Variants in WDR7 observed in about 807,000 individuals in gnomAD.
WDR7 encodes the protein WD repeat-containing protein 7.
WDR7 carries 46 observed loss-of-function variants against 169.4 expected under a neutral mutation model. The observed-to-expected ratio is 0.27, with a 90% CI of 0.21 to 0.35. The LOEUF is 0.35. Ranked by LOEUF, WDR7 falls within the 10% of genes least tolerant of loss-of-function variation. WDR7 has a pLI of 1.00. For synonymous variants in WDR7, 612 were observed against 666.8 expected, an observed-to-expected ratio of 0.92 and a Z score of 1.27; for missense variants, 1,534 against 1,859.3, an observed-to-expected ratio of 0.83 and a Z score of 3.22.
At chr18:56,875,045 C>A (rs2046004575) in intron 20 of WDR7, among the ~76,000 whole-genome samples, 1 of 152,198 alleles carries the variant, frequency 6.6e-6, no homozygotes, top group Non-Finnish European at 1.5e-5. Context: ...TTCTTGCCAA[C>A]ATCCAGATTT....
At chr18:56,718,823 C>A (rs1353124951) in intron 13 of WDR7, among the ~76,000 whole-genome samples, 1 of 152,094 alleles carries the variant, frequency 6.6e-6, no homozygotes, top group African/African-American at 2.4e-5. Context: ...TTATTAAAGT[C>A]TTTCTTTTAA....
At position 56,781,668 on chromosome 18, in the gene WDR7, C is replaced by A; in HGVS notation, c.3190+12C>A. The A allele has an allele frequency of 6.3e-7, 1 of 1,576,674 alleles. No individual in the cohort carries two copies. The highest frequency in any genetic ancestry group is 8.6e-7 in the Non-Finnish European group (1 of 1,159,824). On this transcript the variant is annotated intron_variant, in intron 19 of 27. Coordinates refer to ENST00000254442, the MANE Select transcript of WDR7 (RefSeq NM_015285.3). Reference sequence around the variant, plus strand: ...CCACGTCATATCACGTAAGAGTTCTCATGCTTCTCTACAAAGCTTTGCAGG... The same window carrying A: ...CCACGTCATATCACGTAAGAGTTCTAATGCTTCTCTACAAAGCTTTGCAGG...
intron 12 of WDR7, among the ~76,000 whole-genome samples, chr18:56,699,466 AG>A (rs2025777002): frequency 6.6e-6 from 1 of 152,250 alleles, no homozygotes; most frequent in Non-Finnish European, 1.5e-5. Context: ...TGTAGTTGAA[AG>A]ATTATAAATA....
chr18:56,692,632 C>A (rs80083323), intron 9 of WDR7, among the ~76,000 whole-genome samples: 4,370 of 151,732 alleles, frequency 0.029, 190 homozygotes, highest in African/African-American at 0.099. Flanking sequence ...ATTCAAACTT[C>A]CACTTACTGC....
intron 21 of WDR7, chr18:56,891,091 C>T (rs986300717): frequency 1.3e-5 from 2 of 152,096 alleles, no homozygotes; most frequent in Admixed American, 6.6e-5. Flanking sequence ...GAATCTTTTA[C>T]AGTTATTTTA....
chr18:56,998,202 T>A (rs375000660), intron 26 of WDR7, among the ~76,000 whole-genome samples: 1 of 152,092 alleles, frequency 6.6e-6, no homozygotes, highest in East Asian at 1.9e-4. Flanking sequence ...TATCCGTAAT[T>A]TTTGTGCCTG....
At chr18:57,006,121 G>A (rs915613808) in intron 26 of WDR7, among the ~76,000 whole-genome samples, 57 of 152,152 alleles carry the variant, frequency 3.7e-4, no homozygotes, top group African/African-American at 1.2e-3. Flanking sequence ...AAATTAGCAT[G>A]CATAGTATTA....
chr18:56,934,819 C>T (rs1225523696), intron 22 of WDR7, among the ~76,000 whole-genome samples: 1 of 152,108 alleles, frequency 6.6e-6, no homozygotes, highest in African/African-American at 2.4e-5. Flanking sequence ...GATAAGTGTT[C>T]ATATGTCTTC....
chr18:56,929,187 G>C (rs892382351), intron 22 of WDR7, among the ~76,000 whole-genome samples: 1 of 151,912 alleles, frequency 6.6e-6, no homozygotes, highest in Non-Finnish European at 1.5e-5. Flanking sequence ...GAGGCAGGAG[G>C]ATCACTTGAG....
intron 20 of WDR7, among the ~76,000 whole-genome samples, 185 bp downstream of exon 20, chr18:56,816,329 G>C (rs1201757823): frequency 6.6e-6 from 1 of 152,164 alleles, no homozygotes; most frequent in Non-Finnish European, 1.5e-5. Context: ...AAGTGGAACT[G>C]TTTCTTTGGT....
chr18:56,980,688 A>T (rs975876551), intron 26 of WDR7, among the ~76,000 whole-genome samples: 1 of 152,224 alleles, frequency 6.6e-6, no homozygotes, highest in African/African-American at 2.4e-5. Flanking sequence ...TAAGAAAGTG[A>T]CATCTAACTC....
At chr18:56,685,833 T>C (rs2025432453) in intron 5 of WDR7, 123 bp from the exon 6 acceptor site, 1 of 767,440 alleles carries the variant, frequency 1.3e-6, no homozygotes, top group Non-Finnish European at 2.1e-6. Context: ...TAGAGAATTA[T>C]GTTTTTCTGC....
chr18:56,756,509 TTTA>T (rs2043891695), intron 14 of WDR7, 71 bp from the exon 15 acceptor site: 1 of 1,254,518 alleles, frequency 8.0e-7, no homozygotes, highest in South Asian at 1.7e-5. Context: ...CCTCTGATTA[TTTA>T]TTGTTTATTA....
At chr18:56,829,091 C>G (rs375187481) in intron 20 of WDR7, among the ~76,000 whole-genome samples, 1 of 147,290 alleles carries the variant, frequency 6.8e-6, no homozygotes, top group African/African-American at 2.5e-5. Flanking sequence ...AAGATTAGCC[C>G]GCGGCAACAT....
chr18:57,004,497 C>T (rs1222635428), intron 26 of WDR7, among the ~76,000 whole-genome samples: 4 of 152,086 alleles, frequency 2.6e-5, no homozygotes, highest in African/African-American at 4.8e-5. Context: ...ATCTATCTGT[C>T]GCATTGTTCC....
rs773661018 is a variant in WDR7 at position 56,779,502 on chromosome 18, C to A, written c.3019C>A (p.Pro1007Thr). Reference protein sequence around the residue: ...DLLGLDKFRPPLLEMLARRWQ... With the variant: ...DLLGLDKFRPTLLEMLARRWQ... ...ACTGGGATTGGATAAATTTAGGCCT[C>A]CCCTTCTGGAGATGCTGGCCCGAAG... is the stretch of plus-strand genomic sequence containing the variant. Residue 1007 changes from proline to threonine, a missense_variant, in exon 18 of 28, where the codon CCC becomes ACC. Transcript: ENST00000254442. The A allele has an allele frequency of 6.2e-7, 1 of 1,613,962 alleles. No individual in the cohort carries two copies.
intron 25 of WDR7, among the ~76,000 whole-genome samples, chr18:56,962,117 A>G (rs1453699501): frequency 6.6e-6 from 1 of 151,434 alleles, no homozygotes; most frequent in Admixed American, 6.6e-5. Context: ...TTCATATTTA[A>G]TTTTTTTTTA....
intron 25 of WDR7, among the ~76,000 whole-genome samples, chr18:56,961,273 G>T (rs2047335445): frequency 6.6e-6 from 1 of 151,974 alleles, no homozygotes; most frequent in Admixed American, 6.6e-5. Context: ...GCTGTCCCAT[G>T]CCCTGGTATA....
At chr18:56,803,160 T>C (rs1308518007) in intron 19 of WDR7, among the ~76,000 whole-genome samples, 1 of 152,224 alleles carries the variant, frequency 6.6e-6, no homozygotes, top group Non-Finnish European at 1.5e-5. Flanking sequence ...TAACTGAATA[T>C]TCTCAAATAA....
Sources: gnomAD v4.1 joint callset for allele counts (sites outside exome capture counted in the v4.1 genomes callset) on GRCh38, gnomAD v4.1.1 for gene constraint, MANE v1.5 for transcripts, NCBI Gene and HGNC (gene_info 2026-07-23, HGNC 2026-07-21) for gene names.